Variants in LASP1 observed in about 807,000 individuals in gnomAD.
LASP1 encodes LIM and SH3 protein 1.
Under a neutral mutation model 38.6 loss-of-function variants are expected in LASP1, and 10 were observed. The ratio of observed to expected loss-of-function variants is 0.26; its 90% CI spans 0.16 to 0.44. The LOEUF is 0.44. LASP1 is among the 20% of genes least tolerant of loss of function. The probability of loss-of-function intolerance (pLI) is 1.00; values close to 1 mark genes in which losing one functional copy is unlikely to be tolerated. For missense variants in LASP1, 243 were observed against 375.7 expected (o/e 0.65, Z 2.92); for synonymous variants, 132 against 140.8 (o/e 0.94, Z 0.44).
chr17:38,870,090 T>G lies in LASP1; in HGVS notation c.-100T>G. On this transcript the variant is annotated 5_prime_UTR_variant, in exon 1 of 7. Coordinates refer to ENST00000318008, the MANE Select transcript of LASP1 (RefSeq NM_006148.4). ...CCCCAGCTCCAGCCGCCGTCGCTGC[T>G]GCCTGTGTAGTTGCAGCCGCGGCCG... is the stretch of plus-strand genomic sequence containing the variant. The G allele has an allele frequency of 7.7e-7, 1 of 1,303,324 alleles. No individual in the cohort carries two copies. Among genetic ancestry groups the G allele is most frequent in the East Asian group, 2.4e-5 (1 of 42,136 alleles). 80.7% of individuals were successfully genotyped at this position (1,303,324 alleles called of 1,614,324 possible).
chr17:38,898,999 C>T (rs374019325), intron 4 of LASP1: 10 of 350,502 alleles, frequency 2.9e-5, no homozygotes, highest in East Asian at 7.5e-5. Context: ...CAGCTTCACC[C>T]GCCAGCCCTG....
intron 2 of LASP1, among the ~76,000 whole-genome samples, chr17:38,884,134 A>G (rs1429460407): frequency 6.6e-6 from 1 of 151,980 alleles, no homozygotes. Context: ...CAAGCCTGGA[A>G]CGGGCGAGGC....
rs766829291 is a variant in LASP1, at chr17:38,878,072, G to C, written c.70-14G>C. ...CCTGGTATCTGATGTATGTCCTCCTGTCTCCATCCCCAGTTCTGGCATAAA... is the reference window on the plus strand; with the variant it reads ...CCTGGTATCTGATGTATGTCCTCCTCTCTCCATCCCCAGTTCTGGCATAAA... On this transcript the variant is annotated splice_polypyrimidine_tract_variant and intron_variant, in intron 1 of 6. Coordinates refer to ENST00000318008, the MANE Select transcript of LASP1 (RefSeq NM_006148.4). 1 of 1,601,854 alleles carries C rather than the reference G, an allele frequency of 6.2e-7. No individual in the cohort carries two copies. The highest frequency in any genetic ancestry group is 8.6e-7 in the Non-Finnish European group (1 of 1,168,918).
At chr17:38,902,000 C>T (rs956871507) in intron 4 of LASP1, among the ~76,000 whole-genome samples, 4 of 152,114 alleles carry the variant, frequency 2.6e-5, no homozygotes, top group African/African-American at 9.7e-5. Flanking sequence ...ATCTCCTGAC[C>T]TTGTGATCCA....
At chr17:38,898,162 A>G (rs1263012026) in intron 3 of LASP1, among the ~76,000 whole-genome samples, 1 of 152,174 alleles carries the variant, frequency 6.6e-6, no homozygotes, top group African/African-American at 2.4e-5. Flanking sequence ...TCTAAATGAG[A>G]TGGTTCATGT....
intron 4 of LASP1, chr17:38,904,719 A>G (rs534423192): frequency 6.6e-6 from 1 of 152,234 alleles, no homozygotes; most frequent in Admixed American, 6.5e-5. Flanking sequence ...TAAACTTTGA[A>G]GATATCTTTG....
At chr17:38,883,717 C>A in intron 2 of LASP1, among the ~76,000 whole-genome samples, 1 of 145,532 alleles carries the variant, frequency 6.9e-6, no homozygotes, top group Non-Finnish European at 1.5e-5. Context: ...TGTTTCTCTT[C>A]TATATTACCG....
At chr17:38,900,437 G>A (rs932099910) in intron 4 of LASP1, among the ~76,000 whole-genome samples, 1 of 150,946 alleles carries the variant, frequency 6.6e-6, no homozygotes, top group African/African-American at 2.4e-5. Context: ...CACTTTGAGA[G>A]GCTGAGGTGG....
chr17:38,910,784 G>C (rs1272087304), intron 4 of LASP1, among the ~76,000 whole-genome samples: 1 of 143,960 alleles, frequency 6.9e-6, no homozygotes, highest in Non-Finnish European at 1.5e-5. Context: ...GTGCAATGGC[G>C]TGATCTTGGC....
At chr17:38,876,218 A>C (rs1913771962) in intron 1 of LASP1, among the ~76,000 whole-genome samples, 3 of 129,896 alleles carry the variant, frequency 2.3e-5, no homozygotes, top group Admixed American at 9.2e-5. Context: ...TTGCTCTGTC[A>C]CCCAGGCTGG....
At chr17:38,876,396 T>C (rs1230218468) in intron 1 of LASP1, among the ~76,000 whole-genome samples, 2 of 151,976 alleles carry the variant, frequency 1.3e-5, no homozygotes, top group Non-Finnish European at 1.5e-5. Context: ...AGTCTCGCTC[T>C]ATACCCCAGG....
At chr17:38,885,592 A>T (rs1914097185) in intron 2 of LASP1, among the ~76,000 whole-genome samples, 1 of 152,186 alleles carries the variant, frequency 6.6e-6, no homozygotes, top group Non-Finnish European at 1.5e-5. Context: ...AGGCTGGCCT[A>T]TGGGACAAAG....
chr17:38,897,697 G>A (rs1288918170), intron 3 of LASP1, among the ~76,000 whole-genome samples: 1 of 152,214 alleles, frequency 6.6e-6, no homozygotes, highest in Non-Finnish European at 1.5e-5. Context: ...GACCCCCGCT[G>A]CTTTCCTCCC....
intron 4 of LASP1, among the ~76,000 whole-genome samples, chr17:38,913,394 G>A (rs889638684): frequency 3.3e-5 from 5 of 152,204 alleles, no homozygotes; most frequent in African/African-American, 1.2e-4. Flanking sequence ...GATTCTCAGC[G>A]GAGCATCCTA....
chr17:38,884,717 GTC>G lies in LASP1; in HGVS notation c.165-5695_165-5694del, dbSNP rs1237524674. On this transcript the variant is annotated intron_variant, in intron 2 of 6. Coordinates refer to ENST00000318008, the MANE Select transcript of LASP1 (RefSeq NM_006148.4). Reference sequence around the variant, plus strand: ...TTTTTTTTTTTTTTTTTGAGATGGGGTCTCTCTCTGTCTCCCAGGTGGAAGTG... The same window carrying G: ...TTTTTTTTTTTTTTTTTGAGATGGGGTCTCTCTGTCTCCCAGGTGGAAGTG... Among the ~76,000 whole-genome samples the G allele has an allele frequency of 6.3e-5, 9 of 142,052 alleles. No individual in the cohort carries two copies. The South Asian group carries it at 6.8e-4, about 11-fold the overall frequency. 93.2% of individuals were successfully genotyped at this position (142,052 alleles called of 152,430 possible).
chr17:38,870,729 G>T (rs1000391607), intron 1 of LASP1, among the ~76,000 whole-genome samples: 1 of 152,192 alleles, frequency 6.6e-6, no homozygotes, highest in Non-Finnish European at 1.5e-5. Context: ...CCGCTCCGGC[G>T]GGGGTGGCCT....
rs866084944 is a variant in LASP1 at position 38,900,392 on chromosome 17, G to A, written c.357+1873G>A. ...GAGACCCTGTTTCCAAAAAAAAAAA[G>A]GACCAGGCGCGGTGGCTCATGCCTG... On this transcript the variant is annotated intron_variant, in intron 4 of 6. Coordinates refer to ENST00000318008, the MANE Select transcript of LASP1 (RefSeq NM_006148.4). Among the ~76,000 whole-genome samples the A allele has an allele frequency of 3.5e-4, 20 of 56,960 alleles. 1 individual carries two copies. The South Asian group carries it at 3.6e-3, about 10-fold the overall frequency. The allele number at this position is 56,960 out of a possible 152,430, so 37.4% of individuals were successfully genotyped here.
chr17:38,884,372 C>CTT lies in LASP1; in HGVS notation c.165-6031_165-6030dup, dbSNP rs527674429. 7.0e-4 allele frequency among the ~76,000 whole-genome samples: 96 copies of CTT among 137,184 alleles called. No homozygotes were observed. In the East Asian group the frequency reaches 0.01, roughly 15 times the overall value. 90.0% of individuals were successfully genotyped at this position (137,184 alleles called of 152,430 possible). On this transcript the variant is annotated intron_variant, in intron 2 of 6. Transcript: ENST00000318008. The stretch of plus-strand genomic sequence containing the variant: ...CACAGGGCCTCTTCAGTATCATATC[C>CTT]TTTTTTTTTTTTTTTTTTAATTTTT...
intron 4 of LASP1, among the ~76,000 whole-genome samples, chr17:38,910,498 G>A (rs540629674): frequency 3.0e-4 from 46 of 151,328 alleles, no homozygotes; most frequent in Middle Eastern, 3.4e-3. Flanking sequence ...TGTGGAACCC[G>A]TTCTTAGCAG....
Sources: allele counts gnomAD v4.1 joint callset (sites outside exome capture counted in the v4.1 genomes callset), GRCh38; gene constraint gnomAD v4.1.1; transcripts MANE v1.5; gene names NCBI Gene and HGNC (gene_info 2026-07-23, HGNC 2026-07-21).